Variants in SHTN1 observed in about 807,000 individuals in gnomAD.
SHTN1 encodes shootin-1.
SHTN1 carries 42 observed loss-of-function variants against 83.1 expected under a neutral mutation model. The observed-to-expected ratio is 0.51, with a 90% CI of 0.39 to 0.65. SHTN1 has a LOEUF of 0.65. Among genes scored for constraint, SHTN1 ranks in the 30% least tolerant of loss-of-function variants. The pLI is 0.00. For missense variants in SHTN1, 622 were observed against 737.8 expected, an observed-to-expected ratio of 0.84 and a Z score of 1.82; for synonymous variants, 224 against 247.7, an observed-to-expected ratio of 0.90 and a Z score of 0.90.
chr10:116,930,201 T>C (rs1407701078), intron 9 of SHTN1, among the ~76,000 whole-genome samples, 199 bp from the exon 10 acceptor site: 1 of 152,094 alleles, frequency 6.6e-6, no homozygotes, highest in African/African-American at 2.4e-5. Context: ...TTAAAATAAA[T>C]TTACTGGGGA....
intron 1 of SHTN1, among the ~76,000 whole-genome samples, chr10:117,071,881 C>A (rs1044226968): frequency 6.6e-6 from 1 of 152,078 alleles, no homozygotes; most frequent in Non-Finnish European, 1.5e-5. Context: ...TTTGAGCTAA[C>A]AAGGAGCATC....
At chr10:116,947,646 T>C (rs1050011409) in intron 7 of SHTN1, among the ~76,000 whole-genome samples, 4 of 152,228 alleles carry the variant, frequency 2.6e-5, no homozygotes, top group South Asian at 2.1e-4. Flanking sequence ...CTCTTTTCTA[T>C]GTCCAGAACA....
chr10:117,062,242 GAT>G (rs1251432969), intron 1 of SHTN1, among the ~76,000 whole-genome samples: 1 of 152,192 alleles, frequency 6.6e-6, no homozygotes, highest in African/African-American at 2.4e-5. Context: ...GGAAGAGAAT[GAT>G]ATGATTTATA....
intron 1 of SHTN1, among the ~76,000 whole-genome samples, chr10:117,054,666 C>A (rs892452191): frequency 4.6e-5 from 7 of 152,036 alleles, no homozygotes; most frequent in Admixed American, 4.6e-4. Context: ...CTCGGCCTCC[C>A]AAAGTGCTGG....
chr10:117,088,179 C>G (rs1243639136), intron 1 of SHTN1, among the ~76,000 whole-genome samples: 1 of 152,182 alleles, frequency 6.6e-6, no homozygotes, highest in East Asian at 1.9e-4. Flanking sequence ...CTTTACCCCA[C>G]GGAATGTACT....
chr10:116,954,831 C>A (rs1849917725), intron 4 of SHTN1, among the ~76,000 whole-genome samples: 1 of 152,082 alleles, frequency 6.6e-6, no homozygotes, highest in South Asian at 2.1e-4. Context: ...CCACATTCCA[C>A]TATAGGATCA....
At chr10:117,103,330 A>C (rs554252424) in intron 1 of SHTN1, among the ~76,000 whole-genome samples, 8 of 151,764 alleles carry the variant, frequency 5.3e-5, no homozygotes, top group African/African-American at 1.9e-4. Flanking sequence ...ACCTCAAGTG[A>C]TCTGCCCGCC....
intron 2 of SHTN1, among the ~76,000 whole-genome samples, chr10:116,970,712 CA>C (rs1203374258): frequency 0.015 from 1,034 of 68,110 alleles, 7 homozygotes; most frequent in African/African-American, 0.047. Flanking sequence ...GACTTACTCT[CA>C]AAAAAAAAAA....
rs370396879 is a variant in SHTN1, at chr10:116,899,506, G to GGTGTGTGTGTGTGTGT, written c.1673+2243_1673+2258dup. 2.3e-3 allele frequency among the ~76,000 whole-genome samples: 288 copies of GGTGTGTGTGTGTGTGT among 124,554 alleles called. 2 individuals carry two copies. Among genetic ancestry groups the GGTGTGTGTGTGTGTGT allele is most frequent in the African/African-American group, 8.0e-3 (274 of 34,158 alleles). 81.7% of individuals were successfully genotyped at this position (124,554 alleles called of 152,430 possible). ...AAGGGAAGTTAGAGTGGCTGGGGCT[G>GGTGTGTGTGTGTGTGT]GTGTGTGTGTGTGTGTGTGTGTGTG... On this transcript the variant is annotated intron_variant, in intron 16 of 16. Transcript: ENST00000355371.
Position 116,929,852 on chromosome 10 carries a change from A to C in SHTN1, c.1009T>G (p.Ser337Ala). Residue 337 changes from serine (S) to alanine (A), a missense_variant, in exon 10 of 17, where the codon TCT becomes GCT. By Grantham distance (99) the Ser-to-Ala change is moderately conservative. This residue lies in a region of SHTN1 where 383 missense variants were observed against 455.8 expected (regional missense o/e 0.84). Coordinates refer to ENST00000355371, the MANE Select transcript of SHTN1 (RefSeq NM_001127211.3). ...SEEKARNLKH[S>A]VDELQKRVNQ... ...GTAGCCTACTCAATGCTTTTACCAG[A>C]GTGCTTTAAATTTCTGGCTTTCTCT... The C allele has an allele frequency of 6.3e-7, 1 of 1,599,526 alleles. No homozygotes were observed. The highest frequency in any genetic ancestry group is 1.4e-5 in the African/African-American group (1 of 73,994).
chr10:116,920,149 T>TTA (rs1848506323), intron 12 of SHTN1, among the ~76,000 whole-genome samples: 1 of 152,128 alleles, frequency 6.6e-6, no homozygotes, highest in African/African-American at 2.4e-5. Flanking sequence ...GAGCTACTCA[T>TTA]TACCATGTTG....
At chr10:116,907,260 C>G (rs1037832454) in intron 14 of SHTN1, among the ~76,000 whole-genome samples, 2 of 152,142 alleles carry the variant, frequency 1.3e-5, no homozygotes, top group African/African-American at 4.8e-5. Flanking sequence ...ACATAATGCT[C>G]TCCAGGGGCC....
At chr10:116,904,777 G>A (rs539118176) in intron 15 of SHTN1, among the ~76,000 whole-genome samples, 1 of 152,290 alleles carries the variant, frequency 6.6e-6, no homozygotes, top group African/African-American at 2.4e-5. Flanking sequence ...ACTCTGAAAT[G>A]TGAGTATTGC....
chr10:116,935,097 A>G (rs1055819245), intron 9 of SHTN1, among the ~76,000 whole-genome samples: 1 of 152,224 alleles, frequency 6.6e-6, no homozygotes, highest in African/African-American at 2.4e-5. Flanking sequence ...ATATACAATC[A>G]TGTCATCTGC....
chr10:116,983,134 CACTT>C (rs2133490144), intron 1 of SHTN1, among the ~76,000 whole-genome samples: 1 of 152,264 alleles, frequency 6.6e-6, no homozygotes, highest in Admixed American at 6.5e-5. Context: ...GACAGCCGAG[CACTT>C]ACTGGCTAGG....
At chr10:117,020,494 C>T (rs1190502132) in intron 2 of SHTN1, among the ~76,000 whole-genome samples, 6 of 145,136 alleles carry the variant, frequency 4.1e-5, no homozygotes, top group Non-Finnish European at 9.0e-5. Context: ...AGCAAGACTC[C>T]GTCTCAAAAA....
At chr10:117,101,478 C>T (rs1037033225) in intron 1 of SHTN1, among the ~76,000 whole-genome samples, 32 of 152,180 alleles carry the variant, frequency 2.1e-4, no homozygotes, top group Non-Finnish European at 4.4e-4. Context: ...GAAGCCAAAA[C>T]ATTACTGCAT....
chr10:117,082,714 G>T (rs935812172), intron 1 of SHTN1, among the ~76,000 whole-genome samples: 8 of 150,682 alleles, frequency 5.3e-5, no homozygotes, highest in African/African-American at 1.9e-4. Context: ...ATGAATCTGG[G>T]TGCTCCTGTA....
chr10:117,108,455 G>A (rs1853703524), intron 1 of SHTN1, among the ~76,000 whole-genome samples: 2 of 150,824 alleles, frequency 1.3e-5, no homozygotes, highest in South Asian at 4.2e-4. Context: ...ACTATTGCAA[G>A]GACAAAAAAC....
Sources: gnomAD v4.1 joint callset for allele counts (sites outside exome capture counted in the v4.1 genomes callset) on GRCh38, gnomAD v4.1.1 for gene constraint, gnomAD v4.1.1 regional missense constraint, MANE v1.5 for transcripts, NCBI Gene and HGNC (gene_info 2026-07-23, HGNC 2026-07-21) for gene names.